ATP1B1: variants seen among roughly 807,000 people sequenced by gnomAD.
ATP1B1 encodes sodium/potassium-transporting ATPase subunit beta-1.
In ATP1B1, 3 loss-of-function variants were observed where a neutral mutation model predicts 39.6. The ratio of observed to expected loss-of-function variants is 0.08; its 90% CI spans 0.03 to 0.20. ATP1B1 has a LOEUF of 0.20. Among genes scored for constraint, ATP1B1 ranks in the 10% least tolerant of loss-of-function variants. The probability of loss-of-function intolerance (pLI) is 1.00; values close to 1 mark genes in which losing one functional copy is unlikely to be tolerated. For missense variants in ATP1B1, 216 were observed against 371.1 expected (o/e 0.58, Z 3.43); for synonymous variants, 139 against 135.0 (o/e 1.03, Z -0.20).
Position 169,115,109 on chromosome 1 carries a change from C to T in ATP1B1, c.226+3611C>T, listed in dbSNP as rs547559398. On this transcript the variant is annotated intron_variant, in intron 2 of 5. Coordinates refer to ENST00000367815, the MANE Select transcript of ATP1B1 (RefSeq NM_001677.4). ...CTGAGGCAGGAGAATGGCGTGAACC[C>T]GGGAGGCGGAGCTTGCAGTGAGCCG... Among the ~76,000 whole-genome samples the T allele has an allele frequency of 9.6e-5, 14 of 146,146 alleles. No homozygotes were observed. In the East Asian group the frequency reaches 2.0e-3, roughly 21 times the overall value.
rs1349167754 is a variant in ATP1B1 at position 169,132,672 on chromosome 1, C to G, written c.*1117C>G. ...CCAGGAGTACAGTGCTCTTGTTGAT[C>G]TTGTATTCAGTCAGGTTAAAACAAC... is the stretch of plus-strand genomic sequence containing the variant. On this transcript the variant is annotated 3_prime_UTR_variant, in exon 6 of 6. Transcript: ENST00000367815. 1.0e-5 allele frequency: 10 copies of G among 969,698 alleles called. No homozygotes were observed. The African/African-American group carries it at 1.6e-4, about 16-fold the overall frequency. 60.1% of individuals were successfully genotyped at this position (969,698 alleles called of 1,614,324 possible). A position where few individuals can be genotyped will look rare whatever the true frequency, so the allele number is the denominator to read the frequency against.
At chr1:169,127,685 A>G (rs1016781994) in intron 4 of ATP1B1, among the ~76,000 whole-genome samples, 3 of 152,200 alleles carry the variant, frequency 2.0e-5, no homozygotes, top group Non-Finnish European at 4.4e-5. Context: ...CAGTATCCAG[A>G]TAACAGTTTC....
In ATP1B1 at chr1:169,127,367, A is replaced by G. The variant is rs1211439382; in HGVS notation, c.526A>G (p.Ile176Val). Reference sequence around the variant, plus strand: ...TGGCTACAAAGAGGGCAAACCGTGCATTATTATAAAGCTCAACCGAGTTCT... The same window carrying G: ...TGGCTACAAAGAGGGCAAACCGTGCGTTATTATAAAGCTCAACCGAGTTCT... ...TYGYKEGKPC[I>V]IIKLNRVLGF... Residue 176 changes from isoleucine to valine, a missense_variant, in exon 4 of 6, where the codon ATT becomes GTT. Transcript: ENST00000367815. 1.9e-6 allele frequency: 3 copies of G among 1,612,202 alleles called. No homozygotes were observed. The highest frequency in any genetic ancestry group is 1.6e-4 in the Middle Eastern group (1 of 6,082).
intron 3 of ATP1B1, among the ~76,000 whole-genome samples, chr1:169,126,241 G>T (rs1658082219): frequency 6.6e-6 from 1 of 152,130 alleles, no homozygotes; most frequent in East Asian, 1.9e-4. Flanking sequence ...AGGCCTGAGG[G>T]ATAATCAGGG....
chr1:169,112,503 C>T (rs1041220192), intron 2 of ATP1B1, among the ~76,000 whole-genome samples: 10 of 152,172 alleles, frequency 6.6e-5, no homozygotes, highest in Non-Finnish European at 1.5e-4. Flanking sequence ...TTTCCCTTGG[C>T]AAAGGTTTAG....
rs142407075 is a variant in ATP1B1 at position 169,113,617 on chromosome 1, A to T, written c.226+2119A>T. On this transcript the variant is annotated intron_variant, in intron 2 of 5. Transcript: ENST00000367815. ...TTGGAAATGACCTTGCCTGTAAATCAACTGGCTGAAGTGCTCAGTCCTTTC... is the reference window on the plus strand; with the variant it reads ...TTGGAAATGACCTTGCCTGTAAATCTACTGGCTGAAGTGCTCAGTCCTTTC... Among the ~76,000 whole-genome samples the T allele has an allele frequency of 4.6e-5, 7 of 152,310 alleles. No individual in the cohort carries two copies. In the East Asian group the frequency reaches 1.4e-3, roughly 29 times the overall value.
chr1:169,117,182 GTC>G (rs982306890), intron 2 of ATP1B1, among the ~76,000 whole-genome samples: 4 of 152,180 alleles, frequency 2.6e-5, no homozygotes, highest in South Asian at 2.1e-4. Flanking sequence ...ACACCCAGCT[GTC>G]TCTCACTTTC....
chr1:169,113,656 C>T (rs183771204), intron 2 of ATP1B1, among the ~76,000 whole-genome samples: 4 of 152,166 alleles, frequency 2.6e-5, no homozygotes, highest in Admixed American at 6.5e-5. Context: ...CACCCTCTCA[C>T]GGTGCCTCCC....
chr1:169,127,240 G>C lies in ATP1B1; in HGVS notation c.399G>C (p.Pro133=). Residue 133 remains proline (P), a synonymous_variant, in exon 4 of 6, where the codon CCG becomes CCC. Coordinates refer to ENST00000367815, the MANE Select transcript of ATP1B1 (RefSeq NM_001677.4). The part of the protein sequence containing the change: ...FEDCGDVPSE[P]KERGDFNHER... ...TATTTTTAGATGTGCCCAGTGAACC[G>C]AAAGAACGAGGAGACTTTAATCATG... is the stretch of plus-strand genomic sequence containing the variant. 6.3e-7 allele frequency: 1 copy of C among 1,578,950 alleles called. No homozygotes were observed. Among genetic ancestry groups the C allele is most frequent in the Non-Finnish European group, 8.6e-7 (1 of 1,169,554 alleles).
intron 2 of ATP1B1, among the ~76,000 whole-genome samples, chr1:169,121,517 C>T (rs1657980350): frequency 6.6e-6 from 1 of 152,160 alleles, no homozygotes; most frequent in African/African-American, 2.4e-5. Context: ...TCCTCCTGTT[C>T]TTACTCTCCT....
chr1:169,125,156 A>C (rs1571226399), intron 3 of ATP1B1, 117 bp downstream of exon 3: 1 of 1,317,514 alleles, frequency 7.6e-7, no homozygotes. Context: ...GAAAGATTGA[A>C]CTCTGGCCAT....
intron 2 of ATP1B1, among the ~76,000 whole-genome samples, chr1:169,123,575 A>ATATC (rs1553236669): frequency 1.1e-3 from 65 of 60,632 alleles, no homozygotes; most frequent in African/African-American, 2.4e-3. Flanking sequence ...GTTAAACTAT[A>ATATC]TCTCTCTCTC....
intron 2 of ATP1B1, among the ~76,000 whole-genome samples, chr1:169,124,391 C>T (rs939138910): frequency 6.6e-6 from 1 of 152,166 alleles, no homozygotes; most frequent in African/African-American, 2.4e-5. Context: ...TATACATTTA[C>T]TGACAATAAG....
chr1:169,109,233 C>A (rs1207733993), intron 1 of ATP1B1, among the ~76,000 whole-genome samples: 1 of 152,118 alleles, frequency 6.6e-6, no homozygotes, highest in Non-Finnish European at 1.5e-5. Flanking sequence ...TTTGTTTGTT[C>A]ATTTGTTTGT....
At chr1:169,116,934 A>C (rs568329483) in intron 2 of ATP1B1, among the ~76,000 whole-genome samples, 11 of 152,296 alleles carry the variant, frequency 7.2e-5, no homozygotes, top group African/African-American at 2.4e-4. Context: ...TTGATTAAGT[A>C]AAATTCCTGA....
chr1:169,114,915 G>A (rs2101778892), intron 2 of ATP1B1, among the ~76,000 whole-genome samples: 1 of 152,096 alleles, frequency 6.6e-6, no homozygotes, highest in African/African-American at 2.4e-5. Flanking sequence ...GGTGGGGCCA[G>A]GAGTGGTGAC....
At position 169,131,771 on chromosome 1, in the gene ATP1B1, A is replaced by G. The variant is rs1455399772; in HGVS notation, c.*216A>G. The G allele has an allele frequency of 1.6e-6, 1 of 618,594 alleles. No individual in the cohort carries two copies. The highest frequency in any genetic ancestry group is 2.6e-6 in the Non-Finnish European group (1 of 381,680). 38.3% of individuals were successfully genotyped at this position (618,594 alleles called of 1,614,324 possible). On this transcript the variant is annotated 3_prime_UTR_variant, in exon 6 of 6. Transcript: ENST00000367815. This position sits in a 1 kb window ranked among gnomAD's most constrained non-coding sequence, Gnocchi z 4.4. ...TTCTACTGTAAATGACAAAAGAAAAAGAAAAATTGAGCCTTGGGACGTGCC... is the reference window on the plus strand; with the variant it reads ...TTCTACTGTAAATGACAAAAGAAAAGGAAAAATTGAGCCTTGGGACGTGCC...
chr1:169,112,808 A>G (rs1657755241), intron 2 of ATP1B1, among the ~76,000 whole-genome samples: 1 of 152,258 alleles, frequency 6.6e-6, no homozygotes, highest in Non-Finnish European at 1.5e-5. Context: ...AAACCTGCTT[A>G]ATAATCCAGT....
At chr1:169,116,946 A>C (rs781458181) in intron 2 of ATP1B1, among the ~76,000 whole-genome samples, 2 of 152,106 alleles carry the variant, frequency 1.3e-5, no homozygotes, top group Non-Finnish European at 2.9e-5. Flanking sequence ...AATTCCTGAG[A>C]AGTCATTATG....
Sources: gnomAD v4.1 joint callset for allele counts (sites outside exome capture counted in the v4.1 genomes callset) on GRCh38, gnomAD v4.1.1 for gene constraint, Gnocchi (gnomAD v3.1) non-coding constraint, MANE v1.5 for transcripts, NCBI Gene and HGNC (gene_info 2026-07-23, HGNC 2026-07-21) for gene names.